The following XYLT1 variants were observed in gnomAD, a reference collection of about 807,000 sequenced individuals.
XYLT1 encodes xylosyltransferase 1.
A neutral mutation model predicts 91.3 loss-of-function variants in XYLT1; 36 were observed. The observed-to-expected ratio is 0.39, with a 90% CI of 0.30 to 0.52. The LOEUF (loss-of-function observed/expected upper bound fraction) is 0.52, where lower values mean the gene tolerates loss of function less well. Among genes scored for constraint, XYLT1 ranks in the 20% least tolerant of loss-of-function variants. The pLI, the probability that XYLT1 is intolerant of heterozygous loss-of-function variation, is 0.68. For synonymous variants in XYLT1, 588 were observed against 532.0 expected, an observed-to-expected ratio of 1.11 and a Z score of -1.45; for missense variants, 1,242 against 1,284.5, an observed-to-expected ratio of 0.97 and a Z score of 0.51.
In XYLT1 at chr16:17,379,478, T is replaced by G. The variant is rs540935265; in HGVS notation, c.364-21428A>C. Among the ~76,000 whole-genome samples the G allele has an allele frequency of 2.0e-5, 3 of 152,206 alleles. No individual in the cohort carries two copies. The South Asian group carries it at 6.2e-4, about 32-fold the overall frequency. The stretch of plus-strand genomic sequence containing the variant: ...GGCTTTTCAGCAAACTGGAATGGCA[T>G]GAAAATGGGAACCTGGCCCCCGGAG... On this transcript the variant is annotated intron_variant, in intron 1 of 11. Transcript: ENST00000261381.
At chr16:17,219,392 G>A (rs2032922527) in intron 3 of XYLT1, among the ~76,000 whole-genome samples, 1 of 152,006 alleles carries the variant, frequency 6.6e-6, no homozygotes, top group Non-Finnish European at 1.5e-5. Flanking sequence ...GGACATGATA[G>A]GCGAATCTCT....
chr16:17,146,412 T>C (rs1033078687), intron 6 of XYLT1, among the ~76,000 whole-genome samples: 2 of 152,048 alleles, frequency 1.3e-5, no homozygotes, highest in African/African-American at 2.4e-5. Flanking sequence ...TGTTAAGGAG[T>C]CCTCTCTGAG....
chr16:17,271,774 C>T (rs540544467), intron 2 of XYLT1, among the ~76,000 whole-genome samples: 5 of 152,132 alleles, frequency 3.3e-5, no homozygotes, highest in Non-Finnish European at 7.4e-5. Flanking sequence ...CTGCTGGGAA[C>T]CAGGGCTCAA....
chr16:17,124,992 G>A (rs8047109), intron 10 of XYLT1, among the ~76,000 whole-genome samples: 97,901 of 152,008 alleles, frequency 0.64, 32,525 homozygotes, highest in Non-Finnish European at 0.71. Flanking sequence ...TTTTCCATTC[G>A]TATCCTATAT....
intron 5 of XYLT1, among the ~76,000 whole-genome samples, chr16:17,186,076 T>G (rs562145208): frequency 8.9e-4 from 136 of 152,314 alleles, no homozygotes; most frequent in African/African-American, 3.2e-3. Flanking sequence ...TACATTCAGT[T>G]GATCTGGAAC....
intron 3 of XYLT1, among the ~76,000 whole-genome samples, chr16:17,240,160 A>C (rs563764797): frequency 6.6e-6 from 1 of 152,354 alleles, no homozygotes; most frequent in Admixed American, 6.5e-5. Context: ...AACTGCATGA[A>C]TTGCTGGGAG....
intron 2 of XYLT1, among the ~76,000 whole-genome samples, chr16:17,266,495 A>G (rs777079385): frequency 3.9e-5 from 6 of 152,196 alleles, no homozygotes; most frequent in Non-Finnish European, 8.8e-5. Flanking sequence ...GGGAGGTTAA[A>G]TGACTAAGTC....
intron 1 of XYLT1, among the ~76,000 whole-genome samples, chr16:17,375,197 T>G: frequency 6.6e-6 from 1 of 152,328 alleles, no homozygotes; most frequent in Non-Finnish European, 1.5e-5. Context: ...GCACTTATTA[T>G]GGACTAGGTA....
chr16:17,417,470 C>T (rs74985390), intron 1 of XYLT1, among the ~76,000 whole-genome samples: 12 of 152,148 alleles, frequency 7.9e-5, no homozygotes, highest in South Asian at 2.1e-4. Flanking sequence ...CTGGTTAACG[C>T]GACTTAACCT....
chr16:17,222,626 C>T (rs1461245211), intron 3 of XYLT1, among the ~76,000 whole-genome samples: 1 of 151,852 alleles, frequency 6.6e-6, no homozygotes. Context: ...CCCATCTCTA[C>T]TAAAAATATA....
In XYLT1 at chr16:17,312,053, TTTAAGCA is replaced by T. The variant is rs1178113001; in HGVS notation, c.402+45952_402+45958del. Among the ~76,000 whole-genome samples, 1 of 151,468 alleles carries T rather than the reference TTTAAGCA, an allele frequency of 6.6e-6. No homozygotes were observed. On this transcript the variant is annotated intron_variant, in intron 2 of 11. Coordinates refer to ENST00000261381, the MANE Select transcript of XYLT1 (RefSeq NM_022166.4). The surrounding 1 kb of genome is among the most constrained non-coding windows in gnomAD (Gnocchi z 4.4). ...CACAACCAAACCATATCAATGGGGG[TTTAAGCA>T]GAGGTCTGAGGCCCAGAAAGGCCTT...
chr16:17,336,948 G>A (rs1036600154), intron 2 of XYLT1, among the ~76,000 whole-genome samples: 2 of 152,168 alleles, frequency 1.3e-5, no homozygotes, highest in African/African-American at 4.8e-5. Context: ...GGAAAAGAAA[G>A]GCATATATTC....
At chr16:17,401,941 T>C (rs1240977894) in intron 1 of XYLT1, among the ~76,000 whole-genome samples, 1 of 152,120 alleles carries the variant, frequency 6.6e-6, no homozygotes, top group South Asian at 2.1e-4. Flanking sequence ...ATAAGGTGCA[T>C]CAACGCAGTG....
intron 7 of XYLT1, 115 bp downstream of exon 7, chr16:17,141,038 T>TC: frequency 1.1e-5 from 11 of 989,546 alleles, no homozygotes; most frequent in Non-Finnish European, 1.7e-5. Context: ...TCTGGGTGTG[T>TC]AGAGGACAAT....
chr16:17,377,175 T>TCACACACACACACACACACACC lies in XYLT1; in HGVS notation c.364-19126_364-19125insGGTGTGTGTGTGTGTGTGTGTG, dbSNP rs376242678. ...CTAGGTGACAGAGTGAGACTCTGCC[T>TCACACACACACACACACACACC]CACACACACACACAAAATTAGGTAC... On this transcript the variant is annotated intron_variant, in intron 1 of 11. Coordinates refer to ENST00000261381, the MANE Select transcript of XYLT1 (RefSeq NM_022166.4). 1.5e-4 allele frequency among the ~76,000 whole-genome samples: 22 copies of TCACACACACACACACACACACC among 150,930 alleles called. No homozygotes were observed. The East Asian group carries it at 1.7e-3, about 12-fold the overall frequency.
Position 17,419,958 on chromosome 16 carries a change from T to A in XYLT1, c.363+50476A>T, listed in dbSNP as rs73527403. ...CCTCAAAGAACTATTTGTTGATAAA[T>A]AATGAATCCAAAATCTATTGGAAGG... On this transcript the variant is annotated intron_variant, in intron 1 of 11. Transcript: ENST00000261381. 7.9e-3 allele frequency among the ~76,000 whole-genome samples: 1,200 copies of A among 152,276 alleles called. 18 individuals are homozygous for A. The highest frequency in any genetic ancestry group is 0.027 in the African/African-American group (1,125 of 41,560).
intron 1 of XYLT1, among the ~76,000 whole-genome samples, chr16:17,400,699 G>A (rs762382775): frequency 6.6e-6 from 1 of 151,706 alleles, no homozygotes; most frequent in Non-Finnish European, 1.5e-5. Flanking sequence ...TGCAGTTTAG[G>A]AGGAGACACA....
intron 3 of XYLT1, among the ~76,000 whole-genome samples, chr16:17,232,642 CAGT>C (rs2141723149): frequency 6.6e-6 from 1 of 151,372 alleles, no homozygotes; most frequent in African/African-American, 2.4e-5. Flanking sequence ...AAGGCGATGA[CAGT>C]GGTGGTGATG....
At chr16:17,275,426 C>T (rs2033959544) in intron 2 of XYLT1, among the ~76,000 whole-genome samples, 1 of 152,118 alleles carries the variant, frequency 6.6e-6, no homozygotes, top group Non-Finnish European at 1.5e-5. Context: ...CACCAAAGGC[C>T]CTGGAAGAAA....
Sources: allele counts gnomAD v4.1 joint callset (sites outside exome capture counted in the v4.1 genomes callset), GRCh38; gene constraint gnomAD v4.1.1; non-coding constraint Gnocchi (gnomAD v3.1); transcripts MANE v1.5; gene names NCBI Gene and HGNC (gene_info 2026-07-23, HGNC 2026-07-21).